UBR3: variants seen among roughly 807,000 people sequenced by gnomAD.
The protein encoded by UBR3 is ubiquitin protein ligase E3 component n-recognin 3.
In UBR3, 85 loss-of-function variants were observed where a neutral mutation model predicts 243.2. The ratio of observed to expected loss-of-function variants is 0.35; its 90% CI spans 0.29 to 0.42. The LOEUF (loss-of-function observed/expected upper bound fraction) is 0.42. Ranked by LOEUF, UBR3 falls within the 10% of genes least tolerant of loss-of-function variation. UBR3 has a pLI of 1.00. For missense variants in UBR3, 1,686 were observed against 2,300.8 expected, an observed-to-expected ratio of 0.73 and a Z score of 5.47; for synonymous variants, 748 against 799.8, an observed-to-expected ratio of 0.94 and a Z score of 1.09.
chr2:170,081,686 C>T (rs372422507), intron 38 of UBR3, 40 bp from the exon 39 acceptor site: 33 of 1,418,618 alleles, frequency 2.3e-5, no homozygotes, highest in African/African-American at 1.0e-4. Flanking sequence ...TGAAATCTTC[C>T]GTGTATGATA....
intron 30 of UBR3, among the ~76,000 whole-genome samples, chr2:170,023,856 G>A (rs151242309): frequency 0.041 from 6,161 of 151,564 alleles, 181 homozygotes; most frequent in East Asian, 0.1. Flanking sequence ...GATTACAGGC[G>A]TAAGCCATTG....
chr2:169,911,062 T>C (rs1423128473), intron 10 of UBR3, among the ~76,000 whole-genome samples: 2 of 152,192 alleles, frequency 1.3e-5, no homozygotes, highest in Non-Finnish European at 2.9e-5. Flanking sequence ...TTACTGTCTT[T>C]GTATGATTGC....
intron 24 of UBR3, among the ~76,000 whole-genome samples, chr2:169,976,480 G>C (rs1184029810): frequency 6.6e-6 from 1 of 152,042 alleles, no homozygotes; most frequent in East Asian, 1.9e-4. Context: ...CCTTGTCTAG[G>C]AGAGACTTTA....
chr2:169,885,458 G>A (rs547991865), intron 5 of UBR3, among the ~76,000 whole-genome samples: 1 of 152,152 alleles, frequency 6.6e-6, no homozygotes, highest in Non-Finnish European at 1.5e-5. Flanking sequence ...GCACATGCCT[G>A]TAATCCTAGC....
At chr2:169,876,331 T>C (rs4668176) in intron 3 of UBR3, among the ~76,000 whole-genome samples, 148,547 of 152,040 alleles carry the variant, frequency 0.98, 72,645 homozygotes, top group Non-Finnish European at 1. Context: ...CCGCCCGCCT[T>C]GGCCTTCCGA....
chr2:170,018,610 A>C (rs766345632), intron 30 of UBR3, among the ~76,000 whole-genome samples: 1 of 152,150 alleles, frequency 6.6e-6, no homozygotes, highest in Non-Finnish European at 1.5e-5. Context: ...ATTTCCTAGA[A>C]GTTCTAGGGA....
At chr2:169,906,885 G>A (rs1216356738) in intron 10 of UBR3, among the ~76,000 whole-genome samples, 1 of 152,062 alleles carries the variant, frequency 6.6e-6, no homozygotes, top group African/African-American at 2.4e-5. Context: ...AGTAAAGCCT[G>A]CTCTTTGTTA....
intron 28 of UBR3, among the ~76,000 whole-genome samples, chr2:170,007,826 T>C (rs1197571851): frequency 6.6e-6 from 1 of 152,014 alleles, no homozygotes; most frequent in Non-Finnish European, 1.5e-5. Context: ...ATCGTGCCAC[T>C]CCACTCCAGT....
intron 27 of UBR3, among the ~76,000 whole-genome samples, chr2:170,006,317 C>T (rs1334904219): frequency 6.6e-6 from 1 of 152,150 alleles, no homozygotes; most frequent in Non-Finnish European, 1.5e-5. Flanking sequence ...CAGCATTTAT[C>T]ACATAGTAGG....
At chr2:169,903,639 A>G (rs750642924) in intron 8 of UBR3, among the ~76,000 whole-genome samples, 1 of 152,210 alleles carries the variant, frequency 6.6e-6, no homozygotes, top group Non-Finnish European at 1.5e-5. Flanking sequence ...AATGTGTGGA[A>G]ATTAAAAAGT....
intron 35 of UBR3, among the ~76,000 whole-genome samples, chr2:170,063,129 TG>T (rs2091486365): frequency 6.6e-6 from 1 of 152,112 alleles, no homozygotes; most frequent in African/African-American, 2.4e-5. Context: ...AAGGACATAC[TG>T]GGAATAGAAG....
At chr2:169,991,664 G>A (rs1482099717) in intron 25 of UBR3, among the ~76,000 whole-genome samples, 3 of 152,020 alleles carry the variant, frequency 2.0e-5, no homozygotes, top group Non-Finnish European at 4.4e-5. Flanking sequence ...CTCACTGCAA[G>A]CTCCGTTTCC....
chr2:169,970,437 T>G (rs1439875925), intron 24 of UBR3, among the ~76,000 whole-genome samples: 5 of 131,202 alleles, frequency 3.8e-5, no homozygotes, highest in Non-Finnish European at 6.5e-5. Context: ...ACTCGTCATC[T>G]AGCATTAGGT....
chr2:169,963,257 A>G (rs1255180255), intron 24 of UBR3, among the ~76,000 whole-genome samples: 1 of 152,180 alleles, frequency 6.6e-6, no homozygotes, highest in Non-Finnish European at 1.5e-5. Flanking sequence ...GAGTCATTTT[A>G]TACTTATGGC....
intron 1 of UBR3, among the ~76,000 whole-genome samples, chr2:169,842,776 T>G (rs907349031): frequency 1.3e-5 from 2 of 152,154 alleles, no homozygotes; most frequent in African/African-American, 4.8e-5. Flanking sequence ...CACGCCACCT[T>G]AAGAGCTGTA....
chr2:169,936,279 G>A (rs1438108113), intron 19 of UBR3, among the ~76,000 whole-genome samples: 1 of 151,932 alleles, frequency 6.6e-6, no homozygotes, highest in Non-Finnish European at 1.5e-5. Context: ...GTCTGGTCTC[G>A]AACTCCCGAC....
intron 19 of UBR3, among the ~76,000 whole-genome samples, chr2:169,940,420 T>C (rs2086536157): frequency 1.3e-5 from 2 of 152,202 alleles, no homozygotes; most frequent in Non-Finnish European, 1.5e-5. Context: ...TTTTGAGTTA[T>C]ATTTTTAAGT....
At chr2:169,986,874 T>A (rs2089029074) in intron 25 of UBR3, 80 bp downstream of exon 25, 1 of 1,442,668 alleles carries the variant, frequency 6.9e-7, no homozygotes, top group Admixed American at 1.9e-5. Flanking sequence ...CTGTATTAAA[T>A]GAAAATTATA....
intron 19 of UBR3, among the ~76,000 whole-genome samples, chr2:169,936,182 C>T (rs1437838685): frequency 6.6e-6 from 1 of 152,118 alleles, no homozygotes; most frequent in Non-Finnish European, 1.5e-5. Flanking sequence ...GCCTCAGCCT[C>T]CCTAGTAGCT....
Sources: gnomAD v4.1 joint callset for allele counts (sites outside exome capture counted in the v4.1 genomes callset) on GRCh38, gnomAD v4.1.1 for gene constraint, MANE v1.5 for transcripts, NCBI Gene and HGNC (gene_info 2026-07-23, HGNC 2026-07-21) for gene names.